Variants in HTT observed in about 807,000 individuals in gnomAD.
HTT encodes huntington disease protein.
A neutral mutation model predicts 362.3 loss-of-function variants in HTT; 104 were observed. That is an observed-to-expected ratio of 0.29 (90% CI 0.24 to 0.34). The LOEUF is 0.34. Among genes scored for constraint, HTT ranks in the 10% least tolerant of loss-of-function variants. The pLI, the probability that HTT is intolerant of heterozygous loss-of-function variation, is 1.00. For synonymous variants in HTT, 1,577 were observed against 1,548.7 expected, an observed-to-expected ratio of 1.02 and a Z score of -0.43; for missense variants, 3,301 against 3,928.6, an observed-to-expected ratio of 0.84 and a Z score of 4.27.
chr4:3,217,021 T>G (rs1166507944), intron 51 of HTT, among the ~76,000 whole-genome samples: 3 of 148,198 alleles, frequency 2.0e-5, no homozygotes, highest in African/African-American at 7.5e-5. Flanking sequence ...CAAGACTCCG[T>G]CTCAAAAAAA....
At chr4:3,208,957 C>T in intron 46 of HTT, 46 bp downstream of exon 46, 6 of 1,564,332 alleles carry the variant, frequency 3.8e-6, no homozygotes, top group Non-Finnish European at 4.3e-6. Context: ...GCGCTGAGTG[C>T]CTCTGTCACC....
chr4:3,217,894 T>G lies in HTT; in HGVS notation c.7184T>G (p.Ile2395Ser), dbSNP rs1474543108. ...TTTCTCACGCCATTGCTAAGGAACATCATCATCAGCCTGGCCCGCCTGCCC... is the reference window on the plus strand; with the variant it reads ...TTTCTCACGCCATTGCTAAGGAACAGCATCATCAGCCTGGCCCGCCTGCCC... The part of the protein sequence containing the change: ...PAFLTPLLRN[I>S]IISLARLPLV... The change falls in exon 52 of 67, where the codon ATC (isoleucine) becomes AGC (serine). Residue 2395 changes from isoleucine to serine, a missense_variant. Ile to Ser is a moderately radical substitution (Grantham distance 142). Coordinates refer to ENST00000355072, the MANE Select transcript of HTT (RefSeq NM_001388492.1). 1 of 1,612,548 alleles carries G rather than the reference T, an allele frequency of 6.2e-7. No individual in the cohort carries two copies. Among genetic ancestry groups the G allele is most frequent in the South Asian group, 1.1e-5 (1 of 90,928 alleles).
intron 29 of HTT, among the ~76,000 whole-genome samples, chr4:3,163,137 G>A (rs1717526151): frequency 6.6e-6 from 1 of 152,184 alleles, no homozygotes; most frequent in Non-Finnish European, 1.5e-5. Flanking sequence ...TAGCATGAAA[G>A]GCTGTTGAAT....
intron 6 of HTT, among the ~76,000 whole-genome samples, chr4:3,113,266 G>A (rs746190013): frequency 3.9e-5 from 6 of 151,978 alleles, no homozygotes; most frequent in South Asian, 2.1e-4. Context: ...TAAGCTCACC[G>A]TGTGCTGACT....
chr4:3,200,378 T>C (rs1260079077), intron 41 of HTT, among the ~76,000 whole-genome samples: 1 of 152,234 alleles, frequency 6.6e-6, no homozygotes, highest in African/African-American at 2.4e-5. Flanking sequence ...GGAAATGTTA[T>C]TTTACCATTC....
At position 3,130,468 on chromosome 4, in the gene HTT, G is replaced by T. The variant is rs368229789; in HGVS notation, c.1986+45G>T. ...GACGACTTGGTGTTTCTGAGCTTGT[G>T]TGAGGATTTAAAATCGCCCTGGCTA... On this transcript the variant is annotated intron_variant, in intron 14 of 66. Transcript: ENST00000355072. 4 of 1,098,912 alleles carry T rather than the reference G, an allele frequency of 3.6e-6. No homozygotes were observed. The East Asian group carries it at 1.0e-4, about 27-fold the overall frequency. The allele number at this position is 1,098,912 out of a possible 1,614,324, so 68.1% of individuals were successfully genotyped here. A position where few individuals can be genotyped will look rare whatever the true frequency, so the allele number is the denominator to read the frequency against.
intron 33 of HTT, among the ~76,000 whole-genome samples, chr4:3,176,666 A>AC (rs1718259221): frequency 6.6e-6 from 1 of 152,300 alleles, no homozygotes; most frequent in Admixed American, 6.5e-5. Flanking sequence ...CCTTTCATCA[A>AC]CCGGTCCCCT....
intron 2 of HTT, among the ~76,000 whole-genome samples, chr4:3,097,312 A>G (rs1470265169): frequency 6.6e-6 from 1 of 152,176 alleles, no homozygotes; most frequent in Non-Finnish European, 1.5e-5. Flanking sequence ...GGGAGATGAC[A>G]GTAGTATAGA....
chr4:3,223,377 T>C (rs1317039971), intron 54 of HTT, 29 bp from the exon 55 acceptor site: 4 of 1,543,794 alleles, frequency 2.6e-6, no homozygotes, highest in Non-Finnish European at 3.5e-6. Context: ...GTCTTGCTGC[T>C]CTTGTTGACA....
At chr4:3,164,222 G>A (rs545541547) in intron 29 of HTT, among the ~76,000 whole-genome samples, 3 of 152,320 alleles carry the variant, frequency 2.0e-5, no homozygotes, top group South Asian at 4.1e-4. Context: ...CAGTTTCCAT[G>A]TAGTTGTGTG....
chr4:3,129,268 A>AC (rs1715679369), intron 12 of HTT: 1 of 152,366 alleles, frequency 6.6e-6, no homozygotes, highest in African/African-American at 2.4e-5. Context: ...TTGGCTAAAT[A>AC]CCCAGAAATG....
intron 10 of HTT, among the ~76,000 whole-genome samples, chr4:3,123,963 T>G (rs1715408880): frequency 6.6e-6 from 1 of 152,220 alleles, no homozygotes. Context: ...ATGATTTGAG[T>G]ATTTAATTGA....
chr4:3,093,033 T>A (rs1359793029), intron 2 of HTT, among the ~76,000 whole-genome samples: 3 of 152,066 alleles, frequency 2.0e-5, no homozygotes, highest in Admixed American at 6.5e-5. Context: ...AGATGCAAGG[T>A]GGTGAGAGCC....
chr4:3,092,740 T>TA (rs1713581661), intron 2 of HTT, among the ~76,000 whole-genome samples: 1 of 152,206 alleles, frequency 6.6e-6, no homozygotes, highest in Admixed American at 6.5e-5. Context: ...AAAATTCAGT[T>TA]AAAAAATAAT....
At position 3,125,557 on chromosome 4, in the gene HTT, C is replaced by T. The variant is rs779703721; in HGVS notation, c.1330C>T (p.Leu444Phe). Residue 444 changes from leucine to phenylalanine, a missense_variant, in exon 11 of 67, where the codon CTC becomes TTC. This residue lies in a region of HTT where 2,316 missense variants were observed against 2,658.5 expected (regional missense o/e 0.87). Transcript: ENST00000355072. ...GGTACATTATTTACTAGGCAAAGTG[C>T]TCTTAGGAGAAGAAGAAGCCTTGGA... ...VLSRKQKGKV[L>F]LGEEEALEDD... is the part of the protein sequence containing the mutation. 7 of 1,612,262 alleles carry T rather than the reference C, an allele frequency of 4.3e-6. No homozygotes were observed. Among genetic ancestry groups the T allele is most frequent in the Non-Finnish European group, 5.9e-6 (7 of 1,178,492 alleles).
intron 66 of HTT, among the ~76,000 whole-genome samples, chr4:3,239,603 C>T (rs1428601212): frequency 6.6e-6 from 1 of 152,214 alleles, no homozygotes; most frequent in African/African-American, 2.4e-5. Flanking sequence ...AGGAGCCAGG[C>T]CAGGTGAGTG....
chr4:3,078,970 C>G lies in HTT; in HGVS notation c.263+3882C>G, dbSNP rs561168958. Among the ~76,000 whole-genome samples the G allele has an allele frequency of 2.6e-5, 4 of 152,248 alleles. No homozygotes were observed. The South Asian group carries it at 6.2e-4, about 24-fold the overall frequency. On this transcript the variant is annotated intron_variant, in intron 1 of 66. Transcript: ENST00000355072. ...CAGGATGATCTTGATCTCCTGACCT[C>G]GTCATCCGCCGACCTTGTGATCCGC...
chr4:3,112,347 A>G (rs1434900901), intron 6 of HTT, among the ~76,000 whole-genome samples: 1 of 152,172 alleles, frequency 6.6e-6, no homozygotes, highest in African/African-American at 2.4e-5. Context: ...CACAAAGTGA[A>G]CTTAACCCTT....
chr4:3,147,885 A>T (rs1401963156), intron 25 of HTT, 120 bp from the exon 26 acceptor site: 3 of 709,818 alleles, frequency 4.2e-6, no homozygotes, highest in Non-Finnish European at 7.0e-6. Context: ...TCAGTTGAAT[A>T]TCAGGCACAG....
Sources: gnomAD v4.1 joint callset for allele counts (sites outside exome capture counted in the v4.1 genomes callset) on GRCh38, gnomAD v4.1.1 for gene constraint, gnomAD v4.1.1 regional missense constraint, MANE v1.5 for transcripts, NCBI Gene and HGNC (gene_info 2026-07-23, HGNC 2026-07-21) for gene names.